CBX1: variants seen among roughly 807,000 people sequenced by gnomAD.
The protein encoded by CBX1 is chromobox 1, also known as chromobox protein homolog 1.
Under a neutral mutation model 25.1 loss-of-function variants are expected in CBX1, and 10 were observed. The observed-to-expected ratio is 0.40, with a 90% CI of 0.25 to 0.68. CBX1 has a LOEUF of 0.68. Among genes scored for constraint, CBX1 ranks in the 30% least tolerant of loss-of-function variants. CBX1 has a pLI of 0.40. For synonymous variants in CBX1, 63 were observed against 79.4 expected (o/e 0.79, Z 1.10); for missense variants, 106 against 218.5 (o/e 0.49, Z 3.25).
Position 48,101,055 on chromosome 17 carries a change from C to T in CBX1, c.-38+213G>A, listed in dbSNP as rs539083104. The stretch of plus-strand genomic sequence containing the variant: ...CTCAGTCTCTGGCTCAGGATTCGCG[C>T]CCCGCCCTCTCCATCCTTCACGCAG... On this transcript the variant is annotated intron_variant, in intron 1 of 4. Transcript: ENST00000225603. 12 of 985,938 alleles carry T rather than the reference C, an allele frequency of 1.2e-5. No homozygotes were observed. In the African/African-American group the frequency reaches 1.2e-4, roughly 10 times the overall value. 61.1% of individuals were successfully genotyped at this position (985,938 alleles called of 1,614,324 possible).
At position 48,070,553 on chromosome 17, in the gene CBX1, TTGGA is replaced by T. The variant is rs1408213769; in HGVS notation, c.*878_*881del. On this transcript the variant is annotated 3_prime_UTR_variant, in exon 5 of 5. Transcript: ENST00000225603. ...TCTTCCTAACACCTCAGCCAGTGGCTTGGATGAACAAGCTGATATTTATAACTTC... is the reference window on the plus strand; with the variant it reads ...TCTTCCTAACACCTCAGCCAGTGGCTTGAACAAGCTGATATTTATAACTTC... 1.3e-5 allele frequency: 2 copies of T among 152,758 alleles called. No homozygotes were observed. The highest frequency in any genetic ancestry group is 3.9e-4 in the East Asian group (2 of 5,192). 9.5% of individuals were successfully genotyped at this position (152,758 alleles called of 1,614,324 possible).
chr17:48,097,616 CA>C (rs373074939), intron 1 of CBX1, among the ~76,000 whole-genome samples: 2,331 of 80,046 alleles, frequency 0.029, 13 homozygotes, highest in African/African-American at 0.036. Context: ...GACTCTGTCT[CA>C]AAAAAAAAAA....
chr17:48,097,191 T>G (rs1245034006), intron 1 of CBX1, among the ~76,000 whole-genome samples: 1 of 151,196 alleles, frequency 6.6e-6, no homozygotes, highest in African/African-American at 2.4e-5. Flanking sequence ...GAGGCGGAGG[T>G]TGCAGTAAGC....
At chr17:48,100,889 C>T in intron 1 of CBX1, 1 of 985,688 alleles carries the variant, frequency 1.0e-6, no homozygotes, top group Non-Finnish European at 1.2e-6. Context: ...GTTGTGCGGT[C>T]GTATGCGCCT....
chr17:48,097,241 C>T (rs996408792), intron 1 of CBX1, among the ~76,000 whole-genome samples: 10 of 148,036 alleles, frequency 6.8e-5, no homozygotes, highest in East Asian at 2.0e-4. Context: ...GCAACAAGAG[C>T]GAAACTCCGT....
chr17:48,083,931 A>C (rs1282456140), intron 1 of CBX1, among the ~76,000 whole-genome samples: 1 of 150,742 alleles, frequency 6.6e-6, no homozygotes, highest in African/African-American at 2.5e-5. Context: ...TCACTGAAGT[A>C]TCTAATAATA....
chr17:48,075,995 T>A lies in CBX1; in HGVS notation c.318+6A>T. 3 of 1,581,786 alleles carry A rather than the reference T, an allele frequency of 1.9e-6. No individual in the cohort carries two copies. The highest frequency in any genetic ancestry group is 2.6e-6 in the Non-Finnish European group (3 of 1,157,692). On this transcript the variant is annotated splice_donor_region_variant and intron_variant, in intron 3 of 4. Coordinates refer to ENST00000225603, the MANE Select transcript of CBX1 (RefSeq NM_001127228.2). ...GGCTAGTAAAAATTCTTACTTCTAT[T>A]CTTACCTCTTCTTTCTTCTTCTTTG...
chr17:48,098,946 C>A (rs2144478535), intron 1 of CBX1, among the ~76,000 whole-genome samples: 1 of 152,218 alleles, frequency 6.6e-6, no homozygotes, highest in Non-Finnish European at 1.5e-5. Flanking sequence ...TTAAAATGGG[C>A]ACAAGAATGA....
At chr17:48,079,104 C>T (rs1014292098) in intron 1 of CBX1, among the ~76,000 whole-genome samples, 11 of 150,542 alleles carry the variant, frequency 7.3e-5, no homozygotes, top group African/African-American at 2.2e-4. Flanking sequence ...GCTCCAGCCC[C>T]GGCCCCGCAC....
intron 1 of CBX1, among the ~76,000 whole-genome samples, chr17:48,086,815 T>C (rs2063314376): frequency 6.6e-6 from 1 of 151,584 alleles, no homozygotes; most frequent in Non-Finnish European, 1.5e-5. Flanking sequence ...TGAGCCTAGA[T>C]CACACCACTG....
intron 1 of CBX1, among the ~76,000 whole-genome samples, chr17:48,093,386 A>G (rs912317554): frequency 1.3e-5 from 2 of 152,216 alleles, no homozygotes; most frequent in Non-Finnish European, 2.9e-5. Context: ...GCAAGCATAC[A>G]TAATTACCAA....
At chr17:48,100,989 C>G (rs2144483282) in intron 1 of CBX1, 1 of 986,100 alleles carries the variant, frequency 1.0e-6, no homozygotes, top group South Asian at 4.7e-5. Flanking sequence ...CCACCCGGGC[C>G]CCGAAGAGCG....
At chr17:48,077,433 G>GTTTTTTTTTTGTTT (rs2037686014) in intron 1 of CBX1, among the ~76,000 whole-genome samples, 1 of 128,836 alleles carries the variant, frequency 7.8e-6, no homozygotes, top group Admixed American at 7.9e-5. Context: ...AATTTTTGTT[G>GTTTTTTTTTTGTTT]TTTTTTTTTT....
Position 48,076,124 on chromosome 17 carries a change from A to G in CBX1, c.195T>C (p.Ala65=), listed in dbSNP as rs1009488376. The change falls in exon 3 of 5, where the codon GCT becomes GCC. Residue 65 remains alanine (A), a synonymous_variant. Coordinates refer to ENST00000225603, the MANE Select transcript of CBX1 (RefSeq NM_001127228.2). ...CTGTTTTCTGTGACTGCAGAAACTC[A>G]GCAATGAGGTCGGGGCAATCCAGGT... The part of the protein sequence containing the change: ...EENLDCPDLI[A]EFLQSQKTAH... 5.0e-6 allele frequency: 8 copies of G among 1,611,666 alleles called. No individual in the cohort carries two copies. The highest frequency in any genetic ancestry group is 6.8e-6 in the Non-Finnish European group (8 of 1,178,098).
intron 1 of CBX1, among the ~76,000 whole-genome samples, chr17:48,087,902 A>G (rs1567767878): frequency 2.6e-5 from 4 of 151,978 alleles, no homozygotes; most frequent in African/African-American, 9.7e-5. Context: ...AAAACAGAAA[A>G]AAGAAGAAAT....
rs1314934736 is a variant in CBX1 at position 48,071,129 on chromosome 17, G to C, written c.*306C>G. 2 of 212,430 alleles carry C rather than the reference G, an allele frequency of 9.4e-6. No individual in the cohort carries two copies. The highest frequency in any genetic ancestry group is 2.1e-4 in the East Asian group (2 of 9,338). The allele number at this position is 212,430 out of a possible 1,614,324, so 13.2% of individuals were successfully genotyped here. A position where few individuals can be genotyped will look rare whatever the true frequency, so the allele number is the denominator to read the frequency against. The stretch of plus-strand genomic sequence containing the variant: ...CTTTGAAGATCTACAGTATTTTTTT[G>C]CTCTCCCACACACCCAATTCTGCAA... On this transcript the variant is annotated 3_prime_UTR_variant, in exon 5 of 5. Transcript: ENST00000225603.
chr17:48,090,184 G>A (rs1013648705), intron 1 of CBX1, among the ~76,000 whole-genome samples: 6 of 152,022 alleles, frequency 3.9e-5, no homozygotes, highest in African/African-American at 1.4e-4. Context: ...TTACAGGCAC[G>A]AGTCACTGCG....
chr17:48,092,113 C>A (rs903376139), intron 1 of CBX1, among the ~76,000 whole-genome samples: 3 of 150,034 alleles, frequency 2.0e-5, no homozygotes, highest in Non-Finnish European at 4.4e-5. Flanking sequence ...GCCTCAACCT[C>A]CCGAGTGGCT....
At chr17:48,093,895 G>A (rs1292527863) in intron 1 of CBX1, among the ~76,000 whole-genome samples, 2 of 152,008 alleles carry the variant, frequency 1.3e-5, no homozygotes, top group African/African-American at 4.8e-5. Flanking sequence ...TGAGGCAGGC[G>A]AATTACCTGA....
Sources: gnomAD v4.1 joint callset for allele counts (sites outside exome capture counted in the v4.1 genomes callset) on GRCh38, gnomAD v4.1.1 for gene constraint, MANE v1.5 for transcripts, NCBI Gene and HGNC (gene_info 2026-07-23, HGNC 2026-07-21) for gene names.